Variants in EYA2 observed in about 807,000 individuals in gnomAD.
EYA2 encodes the protein EYA transcriptional coactivator and phosphatase 2.
EYA2 carries 31 observed loss-of-function variants against 69.2 expected under a neutral mutation model. The observed-to-expected ratio is 0.45, with a 90% CI of 0.34 to 0.60. The LOEUF (loss-of-function observed/expected upper bound fraction) is 0.60, where lower values mean the gene tolerates loss of function less well. EYA2 is among the 20% of genes least tolerant of loss of function. The pLI is 0.02. For synonymous variants in EYA2, 257 were observed against 279.4 expected (o/e 0.92, Z 0.80); for missense variants, 622 against 701.2 (o/e 0.89, Z 1.28).
chr20:47,078,389 A>G (rs574272038), intron 7 of EYA2, among the ~76,000 whole-genome samples: 2 of 151,662 alleles, frequency 1.3e-5, no homozygotes, highest in African/African-American at 2.4e-5. Context: ...TAAATTTCCC[A>G]TAAAAACTCT....
In EYA2 at chr20:46,903,518, G is replaced by A. The variant is rs549371358; in HGVS notation, c.-11+8531G>A. Among the ~76,000 whole-genome samples the A allele has an allele frequency of 3.2e-4, 49 of 152,234 alleles. 1 individual carries two copies. Among genetic ancestry groups the A allele is most frequent in the African/African-American group, 1.0e-3 (42 of 41,520 alleles). On this transcript the variant is annotated intron_variant, in intron 1 of 15. Transcript: ENST00000327619. The stretch of plus-strand genomic sequence containing the variant: ...AGCCTGGGTACTGACTTTCAGCCTC[G>A]AGATTAAGAGCTTGAGTCCAGGAGC...
intron 1 of EYA2, among the ~76,000 whole-genome samples, chr20:46,897,397 C>G (rs1207655600): frequency 6.6e-6 from 1 of 152,184 alleles, no homozygotes; most frequent in African/African-American, 2.4e-5. Context: ...GTTGGATCCT[C>G]CGTGACAAGA....
intron 10 of EYA2, among the ~76,000 whole-genome samples, chr20:47,166,412 AAAAAAAAAAAAAAAAAAAAG>A (rs1187086778): frequency 7.2e-6 from 1 of 138,556 alleles, no homozygotes; most frequent in Non-Finnish European, 1.5e-5. Context: ...AAAAAAAAAA[AAAAAAAAAAAAAAAAAAAAG>A]CTTTTTGCTT....
chr20:47,006,401 G>C lies in EYA2; in HGVS notation c.298+1317G>C, dbSNP rs146688694. Among the ~76,000 whole-genome samples the C allele has an allele frequency of 4.0e-4, 61 of 152,282 alleles. No individual in the cohort carries two copies. In the East Asian group the frequency reaches 0.012, roughly 29 times the overall value. ...GACTTTACAGCCCACCCAAATCCGGGCTATCCAGTGGAAAGGACGTAGCGT... is the reference window on the plus strand; with the variant it reads ...GACTTTACAGCCCACCCAAATCCGGCCTATCCAGTGGAAAGGACGTAGCGT... On this transcript the variant is annotated intron_variant, in intron 4 of 15. Coordinates refer to ENST00000327619, the MANE Select transcript of EYA2 (RefSeq NM_005244.5).
At chr20:47,172,360 C>T (rs986172015) in intron 11 of EYA2, among the ~76,000 whole-genome samples, 11 of 151,986 alleles carry the variant, frequency 7.2e-5, no homozygotes, top group Non-Finnish European at 1.6e-4. Flanking sequence ...TAAAAGGATC[C>T]CTTGAGCTGG....
intron 2 of EYA2, among the ~76,000 whole-genome samples, chr20:46,996,465 A>G (rs1982027148): frequency 6.6e-6 from 1 of 152,202 alleles, no homozygotes; most frequent in African/African-American, 2.4e-5. Context: ...GGCTTCCTTG[A>G]CCAACAATCA....
intron 2 of EYA2, among the ~76,000 whole-genome samples, chr20:46,994,963 C>T (rs1251686624): frequency 2.0e-5 from 3 of 151,826 alleles, no homozygotes; most frequent in Admixed American, 6.6e-5. Context: ...CGCAGTGGCA[C>T]GATCTCGGCT....
At chr20:46,987,952 CTCTCTCTCTCTCTATATATATATATATA>C (rs1348650184) in intron 1 of EYA2, among the ~76,000 whole-genome samples, 3 of 41,158 alleles carry the variant, frequency 7.3e-5, no homozygotes, top group Non-Finnish European at 9.0e-5. Context: ...CTCTCTCTCT[CTCTCTCTCTCTCTATATATATATATATA>C]TATATATATA....
intron 10 of EYA2, among the ~76,000 whole-genome samples, chr20:47,155,338 G>C (rs953482737): frequency 2.0e-5 from 3 of 152,010 alleles, no homozygotes; most frequent in African/African-American, 7.2e-5. Context: ...AAAGCAATGT[G>C]CAAGGGATCT....
intron 10 of EYA2, among the ~76,000 whole-genome samples, chr20:47,152,749 C>T (rs6094611): frequency 0.23 from 33,857 of 149,976 alleles, 4,523 homozygotes; most frequent in African/African-American, 0.37. Context: ...AGGCAATGGT[C>T]GCGGTGAGCC....
chr20:47,020,850 G>A (rs1334856397), intron 5 of EYA2, among the ~76,000 whole-genome samples: 1 of 152,148 alleles, frequency 6.6e-6, no homozygotes, highest in African/African-American at 2.4e-5. Flanking sequence ...ATCCATAAAG[G>A]CTAGATTTTC....
intron 1 of EYA2, among the ~76,000 whole-genome samples, chr20:46,927,343 G>A (rs1311177651): frequency 1.3e-5 from 2 of 152,234 alleles, no homozygotes; most frequent in Admixed American, 6.5e-5. Context: ...CTGCAGCAGC[G>A]AGGAAGTAGT....
chr20:46,926,847 C>T (rs944843891), intron 1 of EYA2, among the ~76,000 whole-genome samples: 6 of 152,156 alleles, frequency 3.9e-5, no homozygotes, highest in African/African-American at 7.2e-5. Flanking sequence ...GCAGAGTTGC[C>T]GTGGGCTCAC....
intron 9 of EYA2, among the ~76,000 whole-genome samples, chr20:47,126,168 C>G (rs1028408040): frequency 6.6e-6 from 1 of 152,216 alleles, no homozygotes; most frequent in African/African-American, 2.4e-5. Flanking sequence ...AGGAAAGGGC[C>G]TGGGATTGCA....
chr20:46,999,947 G>A (rs1214221688), intron 2 of EYA2, among the ~76,000 whole-genome samples: 3 of 152,224 alleles, frequency 2.0e-5, no homozygotes, highest in Admixed American at 6.5e-5. Flanking sequence ...CTGGCACATA[G>A]TCAACCTCTA....
At chr20:47,011,338 G>A (rs1287129299) in intron 4 of EYA2, among the ~76,000 whole-genome samples, 6 of 152,094 alleles carry the variant, frequency 3.9e-5, no homozygotes, top group Non-Finnish European at 8.8e-5. Context: ...TTCACATCAC[G>A]GAGCACCTGC....
intron 1 of EYA2, among the ~76,000 whole-genome samples, chr20:46,950,768 G>A (rs1978747257): frequency 6.6e-6 from 1 of 152,214 alleles, no homozygotes; most frequent in South Asian, 2.1e-4. Context: ...GAGGCATGGT[G>A]TCTTTGTGTG....
intron 1 of EYA2, among the ~76,000 whole-genome samples, chr20:46,964,443 C>T (rs908949005): frequency 2.0e-5 from 3 of 152,112 alleles, no homozygotes; most frequent in Non-Finnish European, 4.4e-5. Flanking sequence ...CACAGAGGTC[C>T]GCAGGTGGCT....
At chr20:47,063,376 T>TGTGCGTGTGC in intron 5 of EYA2, among the ~76,000 whole-genome samples, 1 of 138,564 alleles carries the variant, frequency 7.2e-6, no homozygotes, top group East Asian at 2.1e-4. Flanking sequence ...GGTTTATTTG[T>TGTGCGTGTGC]GTGTGTGTGC....
Sources: allele counts gnomAD v4.1 joint callset (sites outside exome capture counted in the v4.1 genomes callset), GRCh38; gene constraint gnomAD v4.1.1; transcripts MANE v1.5; gene names NCBI Gene and HGNC (gene_info 2026-07-23, HGNC 2026-07-21).